CDKAL1: variants seen among roughly 807,000 people sequenced by gnomAD.
CDKAL1 encodes the protein CDKAL1 threonylcarbamoyladenosine tRNA methylthiotransferase, also known as threonylcarbamoyladenosine tRNA methylthiotransferase.
CDKAL1 carries 32 observed loss-of-function variants against 68.2 expected under a neutral mutation model. The observed-to-expected ratio is 0.47, with a 90% CI of 0.35 to 0.63. The LOEUF (loss-of-function observed/expected upper bound fraction) is 0.63, where lower values mean the gene tolerates loss of function less well. CDKAL1 is among the 30% of genes least tolerant of loss of function. The probability of loss-of-function intolerance (pLI) is 0.00; values close to 1 mark genes in which losing one functional copy is unlikely to be tolerated. For missense variants in CDKAL1, 606 were observed against 696.7 expected, an observed-to-expected ratio of 0.87 and a Z score of 1.47; for synonymous variants, 234 against 244.3, an observed-to-expected ratio of 0.96 and a Z score of 0.39.
At chr6:20,730,108 T>C (rs1407030042) in intron 5 of CDKAL1, among the ~76,000 whole-genome samples, 1 of 151,902 alleles carries the variant, frequency 6.6e-6, no homozygotes, top group African/African-American at 2.4e-5. Flanking sequence ...TCACTTGAGC[T>C]CAGGAGTTTG....
At chr6:20,779,957 A>G (rs142228300) in intron 7 of CDKAL1, among the ~76,000 whole-genome samples, 8 of 152,112 alleles carry the variant, frequency 5.3e-5, no homozygotes, top group East Asian at 3.9e-4. Flanking sequence ...TTATAAAAAC[A>G]ATAGGTCTAG....
chr6:21,033,224 A>G (rs567968381), intron 11 of CDKAL1, among the ~76,000 whole-genome samples: 55 of 152,318 alleles, frequency 3.6e-4, no homozygotes, highest in African/African-American at 1.3e-3. Context: ...AAGCTGTTGC[A>G]ATATTTTCCC....
rs1227502903 is a variant in CDKAL1 at position 20,685,674 on chromosome 6, A to G, written c.371+36297A>G. Among the ~76,000 whole-genome samples, 3 of 152,160 alleles carry G rather than the reference A, an allele frequency of 2.0e-5. No individual in the cohort carries two copies. The East Asian group carries it at 5.8e-4, about 29-fold the overall frequency. On this transcript the variant is annotated intron_variant, in intron 5 of 15. Coordinates refer to ENST00000274695, the MANE Select transcript of CDKAL1 (RefSeq NM_017774.3). The stretch of plus-strand genomic sequence containing the variant: ...TTTATTTAGTTCTTTGATTTCATTC[A>G]TTAGAGTTTTTTTAGTTTTTTAAAA...
chr6:20,684,397 G>A (rs1197600913), intron 5 of CDKAL1, among the ~76,000 whole-genome samples: 2 of 152,204 alleles, frequency 1.3e-5, no homozygotes, highest in African/African-American at 2.4e-5. Flanking sequence ...AGCCAAGATC[G>A]TGTCACTGCA....
chr6:21,060,614 G>A (rs1419675882), intron 11 of CDKAL1, among the ~76,000 whole-genome samples: 3 of 151,592 alleles, frequency 2.0e-5, no homozygotes, highest in African/African-American at 7.3e-5. Flanking sequence ...TGGAAGCTTA[G>A]ATTTTTATAT....
intron 4 of CDKAL1, among the ~76,000 whole-genome samples, chr6:20,575,562 G>T (rs926495869): frequency 4.6e-5 from 7 of 151,932 alleles, no homozygotes; most frequent in African/African-American, 1.7e-4. Context: ...CAGAATTGAG[G>T]TTGTAATATA....
At chr6:21,228,448 A>G (rs1203435782) in intron 15 of CDKAL1, among the ~76,000 whole-genome samples, 11 of 152,214 alleles carry the variant, frequency 7.2e-5, no homozygotes, top group Non-Finnish European at 8.8e-5. Context: ...GTCTTATAAC[A>G]CCACACTTAT....
chr6:20,999,763 A>G (rs548684924), intron 10 of CDKAL1, among the ~76,000 whole-genome samples: 2 of 150,542 alleles, frequency 1.3e-5, no homozygotes, highest in Non-Finnish European at 2.9e-5. Context: ...TGGCAATAAT[A>G]TTTGTATTAA....
At chr6:21,019,095 C>T (rs1025936900) in intron 11 of CDKAL1, among the ~76,000 whole-genome samples, 10 of 152,108 alleles carry the variant, frequency 6.6e-5, no homozygotes, top group African/African-American at 2.4e-4. Flanking sequence ...ATTATAGGCA[C>T]CCGCCACCAT....
At chr6:20,769,589 G>A (rs535910539) in intron 7 of CDKAL1, among the ~76,000 whole-genome samples, 2 of 152,136 alleles carry the variant, frequency 1.3e-5, no homozygotes, top group South Asian at 2.1e-4. Context: ...TATTTGTGAC[G>A]TACTTCCTAG....
chr6:21,140,285 A>G (rs146868814), intron 13 of CDKAL1, among the ~76,000 whole-genome samples: 84 of 152,340 alleles, frequency 5.5e-4, no homozygotes, highest in African/African-American at 2.0e-3. Context: ...TTGACATTGA[A>G]TAGTTTCTAA....
chr6:21,037,294 G>A (rs1482286227), intron 11 of CDKAL1, among the ~76,000 whole-genome samples: 1 of 152,158 alleles, frequency 6.6e-6, no homozygotes, highest in East Asian at 1.9e-4. Flanking sequence ...AGATGTGCTT[G>A]GAGCAGAATG....
At chr6:20,589,505 A>C (rs2127698928) in intron 4 of CDKAL1, among the ~76,000 whole-genome samples, 1 of 152,282 alleles carries the variant, frequency 6.6e-6, no homozygotes, top group East Asian at 1.9e-4. Flanking sequence ...TATAGTTGAT[A>C]ATATTGTTTC....
chr6:20,912,809 C>G (rs772211718), intron 9 of CDKAL1, among the ~76,000 whole-genome samples: 2 of 151,948 alleles, frequency 1.3e-5, no homozygotes, highest in African/African-American at 2.4e-5. Context: ...TGTTTCTACT[C>G]CCTCTTACAG....
At chr6:20,964,217 T>C (rs1003772748) in intron 10 of CDKAL1, among the ~76,000 whole-genome samples, 5 of 152,304 alleles carry the variant, frequency 3.3e-5, no homozygotes, top group Admixed American at 2.6e-4. Context: ...GATGGAAGTG[T>C]AAATTAGTTC....
intron 8 of CDKAL1, among the ~76,000 whole-genome samples, chr6:20,828,388 C>A (rs1292375173): frequency 1.3e-5 from 2 of 151,924 alleles, no homozygotes; most frequent in Non-Finnish European, 2.9e-5. Context: ...ACCACCGTGA[C>A]TGGCTAATTT....
At chr6:21,033,042 T>C (rs1481669045) in intron 11 of CDKAL1, among the ~76,000 whole-genome samples, 2 of 152,182 alleles carry the variant, frequency 1.3e-5, no homozygotes, top group African/African-American at 4.8e-5. Context: ...CAACATCTAC[T>C]GTAGAGACCA....
intron 5 of CDKAL1, among the ~76,000 whole-genome samples, chr6:20,711,379 C>T (rs950320967): frequency 6.6e-6 from 1 of 152,106 alleles, no homozygotes; most frequent in Non-Finnish European, 1.5e-5. Context: ...AAGACTGAAG[C>T]ATAGATTCCT....
At chr6:20,631,677 C>T (rs1339422925) in intron 4 of CDKAL1, among the ~76,000 whole-genome samples, 2 of 152,174 alleles carry the variant, frequency 1.3e-5, no homozygotes, top group Non-Finnish European at 2.9e-5. Context: ...GACTGGTCCT[C>T]TGCTGAATAA....
Sources: allele counts gnomAD v4.1 joint callset (sites outside exome capture counted in the v4.1 genomes callset), GRCh38; gene constraint gnomAD v4.1.1; transcripts MANE v1.5; gene names NCBI Gene and HGNC (gene_info 2026-07-23, HGNC 2026-07-21).